Variants in XRN2 observed in about 807,000 individuals in gnomAD.
The protein encoded by XRN2 is 5'-3' exoribonuclease 2.
Under a neutral mutation model 138.5 loss-of-function variants are expected in XRN2, and 44 were observed. The observed-to-expected ratio is 0.32, with a 90% CI of 0.25 to 0.41. The LOEUF (loss-of-function observed/expected upper bound fraction) is 0.41, where lower values mean the gene tolerates loss of function less well. XRN2 is among the 10% of genes least tolerant of loss of function. XRN2 has a pLI of 1.00. For missense variants in XRN2, 937 were observed against 1,169.3 expected (o/e 0.80, Z 2.90); for synonymous variants, 354 against 369.4 (o/e 0.96, Z 0.48).
At chr20:21,375,965 A>C (rs2038817336) in intron 27 of XRN2, among the ~76,000 whole-genome samples, 1 of 151,294 alleles carries the variant, frequency 6.6e-6, no homozygotes, top group Non-Finnish European at 1.5e-5. Context: ...CAGCCTCCTG[A>C]GTAGCTCGGA....
rs1401235674 is a variant in XRN2, at chr20:21,328,552, T to C, written c.316-7T>C. Reference sequence around the variant, plus strand: ...TGAGTGTTATGGAATATGAAATACATTTTCAGGCACCACGTGCTAAAATGA... The same window carrying C: ...TGAGTGTTATGGAATATGAAATACACTTTCAGGCACCACGTGCTAAAATGA... On this transcript the variant is annotated splice_polypyrimidine_tract_variant and splice_region_variant and intron_variant, in intron 3 of 29. Coordinates refer to ENST00000377191, the MANE Select transcript of XRN2 (RefSeq NM_012255.5). 6.2e-7 allele frequency: 1 copy of C among 1,611,972 alleles called. No homozygotes were observed. The highest frequency in any genetic ancestry group is 1.7e-5 in the Admixed American group (1 of 59,686).
At chr20:21,372,590 A>G (rs533736760) in intron 27 of XRN2, among the ~76,000 whole-genome samples, 1 of 152,352 alleles carries the variant, frequency 6.6e-6, no homozygotes, top group East Asian at 1.9e-4. Flanking sequence ...TCCCGAAATA[A>G]GCAGTGTTTC....
intron 1 of XRN2, among the ~76,000 whole-genome samples, chr20:21,305,033 C>T (rs1294741568): frequency 1.3e-5 from 2 of 152,034 alleles, no homozygotes; most frequent in African/African-American, 4.8e-5. Flanking sequence ...CTTTCTTTTT[C>T]CACTTTACAT....
At position 21,356,613 on chromosome 20, in the gene XRN2, C is replaced by T; in HGVS notation, c.2146C>T (p.His716Tyr). ...AGTGGAGGTACCCCCTGAACTATGT[C>T]ATGGGATTCAAGGAAAGTTTTCTTT... ...EPVEVPPELCHGIQGKFSLDE... is the reference protein window; with the variant it reads ...EPVEVPPELCYGIQGKFSLDE... The change falls in exon 23 of 30, where the codon CAT becomes TAT. Residue 716 changes from histidine to tyrosine, a missense_variant. This residue lies in a region of XRN2 where 372 missense variants were observed against 414.4 expected (regional missense o/e 0.90). Transcript: ENST00000377191. 1.2e-6 allele frequency: 2 copies of T among 1,613,676 alleles called. No individual in the cohort carries two copies. The highest frequency in any genetic ancestry group is 8.5e-7 in the Non-Finnish European group (1 of 1,179,730).
chr20:21,303,361 G>C lies in XRN2; in HGVS notation c.-38G>C. ...TGCTCCCGTCTCTTTGGTTACGCTCGTCAGCCGGTCGGCCGCCGCCTCCAG... is the reference window on the plus strand; with the variant it reads ...TGCTCCCGTCTCTTTGGTTACGCTCCTCAGCCGGTCGGCCGCCGCCTCCAG... On this transcript the variant is annotated 5_prime_UTR_variant, in exon 1 of 30. Coordinates refer to ENST00000377191, the MANE Select transcript of XRN2 (RefSeq NM_012255.5). 1 of 1,540,956 alleles carries C rather than the reference G, an allele frequency of 6.5e-7. No homozygotes were observed. Among genetic ancestry groups the C allele is most frequent in the Non-Finnish European group, 8.7e-7 (1 of 1,143,572 alleles).
At chr20:21,374,095 GT>G (rs988111319) in intron 27 of XRN2, among the ~76,000 whole-genome samples, 1 of 152,082 alleles carries the variant, frequency 6.6e-6, no homozygotes, top group African/African-American at 2.4e-5. Flanking sequence ...GTGTTTTGAT[GT>G]TTTAAGTAAC....
rs769034938 is a variant in XRN2 at position 21,303,387 on chromosome 20, C to T, written c.-12C>T. On this transcript the variant is annotated 5_prime_UTR_variant, in exon 1 of 30. Coordinates refer to ENST00000377191, the MANE Select transcript of XRN2 (RefSeq NM_012255.5). ...TCAGCCGGTCGGCCGCCGCCTCCAG[C>T]CGTGTGCCGCTATGGGAGTCCCGGC... 3 of 1,547,094 alleles carry T rather than the reference C, an allele frequency of 1.9e-6. No homozygotes were observed. Among genetic ancestry groups the T allele is most frequent in the Non-Finnish European group, 2.6e-6 (3 of 1,145,558 alleles).
intron 1 of XRN2, 158 bp downstream of exon 1, chr20:21,303,631 C>T: frequency 2.2e-6 from 3 of 1,357,986 alleles, no homozygotes; most frequent in Non-Finnish European, 2.8e-6. Flanking sequence ...CGCGATGGGA[C>T]GCGGGCTGTG....
rs1334830306 is a variant in XRN2 at position 21,368,457 on chromosome 20, T to C, written c.2457-6T>C. On this transcript the variant is annotated splice_polypyrimidine_tract_variant and splice_region_variant and intron_variant, in intron 26 of 29. Transcript: ENST00000377191. The stretch of plus-strand genomic sequence containing the variant: ...TTTTTTTTTCTTGTGTTGGGTCCTT[T>C]TATAGCCATGTGATGCCAAGAGGCT... 2 of 1,613,634 alleles carry C rather than the reference T, an allele frequency of 1.2e-6. No homozygotes were observed. The highest frequency in any genetic ancestry group is 1.3e-5 in the African/African-American group (1 of 74,896).
intron 27 of XRN2, among the ~76,000 whole-genome samples, chr20:21,378,200 C>A (rs1023888976): frequency 6.6e-6 from 1 of 152,172 alleles, no homozygotes; most frequent in Non-Finnish European, 1.5e-5. Context: ...ATTTTTCTTT[C>A]CTATCCTAAT....
chr20:21,360,457 GTT>G (rs144908830), intron 24 of XRN2, among the ~76,000 whole-genome samples: 7 of 137,940 alleles, frequency 5.1e-5, no homozygotes, highest in Admixed American at 1.4e-4. Context: ...TTGTTAGGTT[GTT>G]TTTTTTTTTT....
chr20:21,356,718 A>G (rs2038579952), intron 23 of XRN2, 53 bp downstream of exon 23: 1 of 1,463,054 alleles, frequency 6.8e-7, no homozygotes, highest in Non-Finnish European at 9.4e-7. Context: ...TTTAGTTAGG[A>G]TTTTTTTCCT....
At chr20:21,316,069 A>G (rs1030421319) in intron 1 of XRN2, among the ~76,000 whole-genome samples, 6 of 152,126 alleles carry the variant, frequency 3.9e-5, no homozygotes, top group Non-Finnish European at 5.9e-5. Flanking sequence ...CCTGGCCAAC[A>G]TGGTGAAACC....
Position 21,306,736 on chromosome 20 carries a change from G to A in XRN2, c.75+3263G>A, listed in dbSNP as rs1405976808. ...TAATTACTATGTTTATTGGCCGGGT[G>A]CGGTGGCTCACGACTGTAATCCCAG... is the stretch of plus-strand genomic sequence containing the variant. On this transcript the variant is annotated intron_variant, in intron 1 of 29. Transcript: ENST00000377191. Among the ~76,000 whole-genome samples, 3 of 75,682 alleles carry A rather than the reference G, an allele frequency of 4.0e-5. 1 individual carries two copies. Among genetic ancestry groups the A allele is most frequent in the Non-Finnish European group, 9.3e-5 (3 of 32,258 alleles). The allele number at this position is 75,682 out of a possible 152,430, so 49.7% of individuals were successfully genotyped here.
intron 27 of XRN2, among the ~76,000 whole-genome samples, chr20:21,375,979 C>T (rs1295771977): frequency 6.6e-6 from 1 of 151,544 alleles, no homozygotes; most frequent in Non-Finnish European, 1.5e-5. Context: ...GCTCGGACTA[C>T]AGGCGCCCGC....
intron 27 of XRN2, among the ~76,000 whole-genome samples, chr20:21,380,532 C>T (rs370516945): frequency 9.2e-5 from 14 of 152,208 alleles, no homozygotes; most frequent in Admixed American, 2.6e-4. Context: ...TTACTCTGGG[C>T]GTAGGGTGGG....
At chr20:21,360,458 T>C (rs1017100413) in intron 24 of XRN2, among the ~76,000 whole-genome samples, 1 of 121,326 alleles carries the variant, frequency 8.2e-6, no homozygotes, top group East Asian at 2.0e-4. Flanking sequence ...TGTTAGGTTG[T>C]TTTTTTTTTT....
At chr20:21,323,850 A>T (rs1369062426) in intron 1 of XRN2, among the ~76,000 whole-genome samples, 1 of 152,220 alleles carries the variant, frequency 6.6e-6, no homozygotes, top group Non-Finnish European at 1.5e-5. Flanking sequence ...GAATACAGCC[A>T]TGTCCATTCA....
intron 28 of XRN2, among the ~76,000 whole-genome samples, chr20:21,385,775 C>G (rs540116267): frequency 2.6e-5 from 4 of 152,298 alleles, no homozygotes; most frequent in Admixed American, 2.0e-4. Flanking sequence ...AGCCCAGCGC[C>G]GGGCTTTTTT....
Sources: gnomAD v4.1 joint callset for allele counts (sites outside exome capture counted in the v4.1 genomes callset) on GRCh38, gnomAD v4.1.1 for gene constraint, gnomAD v4.1.1 regional missense constraint, MANE v1.5 for transcripts, NCBI Gene and HGNC (gene_info 2026-07-23, HGNC 2026-07-21) for gene names.